Variants in TBC1D8 observed in about 807,000 individuals in gnomAD.
The protein encoded by TBC1D8 is BUB2-like protein 1.
Under a neutral mutation model 118.8 loss-of-function variants are expected in TBC1D8, and 65 were observed. The observed-to-expected ratio is 0.55, with a 90% CI of 0.45 to 0.67. TBC1D8 has a LOEUF of 0.67. TBC1D8 is among the 30% of genes least tolerant of loss of function. TBC1D8 has a pLI of 0.00. For missense variants in TBC1D8, 1,376 were observed against 1,471.2 expected, an observed-to-expected ratio of 0.94 and a Z score of 1.06; for synonymous variants, 566 against 595.8, an observed-to-expected ratio of 0.95 and a Z score of 0.73.
At chr2:101,060,369 C>A (rs773453794) in intron 2 of TBC1D8, among the ~76,000 whole-genome samples, 6 of 152,188 alleles carry the variant, frequency 3.9e-5, no homozygotes, top group African/African-American at 1.4e-4. Flanking sequence ...TGCAACACAA[C>A]AAGCAAGGGC....
chr2:101,023,843 G>T, intron 15 of TBC1D8: 1 of 198,482 alleles, frequency 5.0e-6, no homozygotes, highest in Non-Finnish European at 1.2e-5. Flanking sequence ...TCCACAGGAT[G>T]GGACAAAAAC....
chr2:101,123,068 T>C (rs1004615456), intron 1 of TBC1D8, among the ~76,000 whole-genome samples: 2 of 152,064 alleles, frequency 1.3e-5, no homozygotes, highest in Non-Finnish European at 2.9e-5. Flanking sequence ...CTTAGGAATA[T>C]ATACCTAAAA....
chr2:101,134,837 A>G (rs1395762570), intron 1 of TBC1D8, among the ~76,000 whole-genome samples: 1 of 152,246 alleles, frequency 6.6e-6, no homozygotes, highest in Non-Finnish European at 1.5e-5. Flanking sequence ...GAATGTTGAA[A>G]TCTGGCTTTC....
At chr2:101,017,773 C>T in intron 17 of TBC1D8, 1 of 1,468,544 alleles carries the variant, frequency 6.8e-7, no homozygotes, top group Non-Finnish European at 9.3e-7. Context: ...AAGATGTTAC[C>T]AAAATCTTGA....
chr2:101,068,578 A>T, intron 2 of TBC1D8: 1 of 562,856 alleles, frequency 1.8e-6, no homozygotes, highest in Non-Finnish European at 3.3e-6. Context: ...TGGTAAAATT[A>T]GAGAAAATGC....
chr2:101,010,893 A>G (rs1573852361), intron 19 of TBC1D8, 36 bp downstream of exon 19: 4 of 1,578,220 alleles, frequency 2.5e-6, no homozygotes, highest in East Asian at 4.5e-5. Context: ...AAAAAAAAAA[A>G]AAAAGTTAAT....
At chr2:101,100,546 T>C (rs1288013506) in intron 1 of TBC1D8, among the ~76,000 whole-genome samples, 2 of 152,102 alleles carry the variant, frequency 1.3e-5, no homozygotes, top group Admixed American at 6.6e-5. Context: ...GAAGACCCCA[T>C]ATAGCCAAGA....
Position 101,123,670 on chromosome 2 carries a change from C to A in TBC1D8, c.127+27457G>T, listed in dbSNP as rs1574065666. Among the ~76,000 whole-genome samples, 4 of 152,258 alleles carry A rather than the reference C, an allele frequency of 2.6e-5. No individual in the cohort carries two copies. In the South Asian group the frequency reaches 6.2e-4, roughly 24 times the overall value. On this transcript the variant is annotated intron_variant, in intron 1 of 19. Transcript: ENST00000409318. ...CACTGGAACAAATCACCTTAAGGACCAGTATACTGTCACAGATATAGGTCT... is the reference window on the plus strand; with the variant it reads ...CACTGGAACAAATCACCTTAAGGACAAGTATACTGTCACAGATATAGGTCT...
At chr2:101,101,973 T>G (rs1402411641) in intron 1 of TBC1D8, among the ~76,000 whole-genome samples, 1 of 149,962 alleles carries the variant, frequency 6.7e-6, no homozygotes, top group African/African-American at 2.5e-5. Flanking sequence ...CATATACCTA[T>G]GTAACAAACC....
Position 101,010,990 on chromosome 2 carries a change from A to G in TBC1D8, c.2954T>C (p.Met985Thr). 1 of 1,613,116 alleles carries G rather than the reference A, an allele frequency of 6.2e-7. No individual in the cohort carries two copies. The highest frequency in any genetic ancestry group is 8.5e-7 in the Non-Finnish European group (1 of 1,179,890). ...AVDYQKQLKQ[M>T]IKDLAKEKDK... ...TTTTTCTTTGGCTAAATCCTTAATC[A>G]TCTGCTTCAGCTGTTTCTGATAATC... is the stretch of plus-strand genomic sequence containing the variant. The change falls in exon 19 of 20, where the codon ATG (methionine) becomes ACG (threonine). Residue 985 changes from methionine to threonine, a missense_variant. Physicochemically the swap from Met to Thr is moderately conservative, Grantham distance 81. Transcript: ENST00000409318.
At chr2:101,100,054 A>C (rs1054074292) in intron 1 of TBC1D8, among the ~76,000 whole-genome samples, 1 of 152,222 alleles carries the variant, frequency 6.6e-6, no homozygotes, top group Admixed American at 6.5e-5. Flanking sequence ...TTCAAATAGA[A>C]GAGAGGAAAT....
intron 3 of TBC1D8, among the ~76,000 whole-genome samples, chr2:101,054,669 TTTC>T (rs1351939249): frequency 0.062 from 2,180 of 35,390 alleles, 93 homozygotes; most frequent in African/African-American, 0.16. Flanking sequence ...TTTCTTTTCT[TTTC>T]TTTTTTTTTT....
intron 1 of TBC1D8, among the ~76,000 whole-genome samples, chr2:101,147,554 T>G (rs1679371954): frequency 6.6e-6 from 1 of 152,034 alleles, no homozygotes; most frequent in Non-Finnish European, 1.5e-5. Flanking sequence ...CTAACTGGAG[T>G]GCGGTATTTC....
chr2:101,032,358 G>A lies in TBC1D8; in HGVS notation c.1846C>T (p.Leu616=), dbSNP rs1490502503. ...QSMNILTSVL[L]LYTKEEEAFW... ...GCTTCCTCCTCCTTGGTGTACAGCAGCAGCACGGAGGTCAGGATGTTCATG... is the reference window on the plus strand; with the variant it reads ...GCTTCCTCCTCCTTGGTGTACAGCAACAGCACGGAGGTCAGGATGTTCATG... The change falls in exon 11 of 20, where the codon CTG becomes TTG. Residue 616 remains leucine (L), a synonymous_variant. Coordinates refer to ENST00000409318, the MANE Select transcript of TBC1D8 (RefSeq NM_001330348.2). The A allele has an allele frequency of 1.2e-6, 2 of 1,613,670 alleles. No homozygotes were observed. The highest frequency in any genetic ancestry group is 2.7e-5 in the African/African-American group (2 of 74,912).
chr2:101,135,237 A>C (rs1678799978), intron 1 of TBC1D8, among the ~76,000 whole-genome samples: 1 of 152,220 alleles, frequency 6.6e-6, no homozygotes, highest in South Asian at 2.1e-4. Context: ...ACGTCTTGTC[A>C]AAGAGAACCT....
chr2:101,057,345 A>G (rs1024747653), intron 3 of TBC1D8, among the ~76,000 whole-genome samples: 2 of 152,180 alleles, frequency 1.3e-5, no homozygotes, highest in Admixed American at 6.5e-5. Context: ...AATAATCCTT[A>G]GCTTCTATGA....
chr2:101,027,434 C>T lies in TBC1D8; in HGVS notation c.2469G>A (p.Pro823=), dbSNP rs749507797. 1.9e-5 allele frequency: 30 copies of T among 1,612,970 alleles called. No individual in the cohort carries two copies. The highest frequency in any genetic ancestry group is 5.0e-5 in the Admixed American group (3 of 59,998). The change falls in exon 15 of 20, where the codon CCG becomes CCA. Residue 823 remains proline (P), a synonymous_variant. Transcript: ENST00000409318. ...GGTCTTCAGGAAGAATTGAGACTTC[C>T]GGGATAACGACTCGAAGCTTGAGGA... ...TKQNVLRVVI[P]EVSILPEDLE...
chr2:101,117,084 G>C (rs1382674678), intron 1 of TBC1D8, among the ~76,000 whole-genome samples: 1 of 152,100 alleles, frequency 6.6e-6, no homozygotes, highest in Non-Finnish European at 1.5e-5. Context: ...ACTGAGGCAG[G>C]GATTGAGCCA....
chr2:101,030,693 CTT>C (rs2105387487), intron 11 of TBC1D8, among the ~76,000 whole-genome samples: 1 of 152,308 alleles, frequency 6.6e-6, no homozygotes, highest in East Asian at 1.9e-4. Context: ...CATAAAAAGA[CTT>C]ATATGACTGC....
Sources: allele counts gnomAD v4.1 joint callset (sites outside exome capture counted in the v4.1 genomes callset), GRCh38; gene constraint gnomAD v4.1.1; transcripts MANE v1.5; gene names NCBI Gene and HGNC (gene_info 2026-07-23, HGNC 2026-07-21).